The following CHRDL1 variants were observed in gnomAD, a reference collection of about 807,000 sequenced individuals.
CHRDL1 encodes chordin-like protein 1.
In CHRDL1, 19 loss-of-function variants were observed where a neutral mutation model predicts 40.9. The ratio of observed to expected loss-of-function variants is 0.46; its 90% CI spans 0.32 to 0.68. CHRDL1 has a LOEUF of 0.68. Ranked by LOEUF, CHRDL1 falls within the 30% of genes least tolerant of loss-of-function variation. The probability of loss-of-function intolerance (pLI) is 0.03; values close to 1 mark genes in which losing one functional copy is unlikely to be tolerated. For missense variants in CHRDL1, 329 were observed against 352.1 expected, an observed-to-expected ratio of 0.93 and a Z score of 0.53; for synonymous variants, 136 against 123.4, an observed-to-expected ratio of 1.10 and a Z score of -0.68.
intron 4 of CHRDL1, among the ~76,000 whole-genome samples, chrX:110,735,386 C>T (rs1472527733): frequency 8.9e-6 from 1 of 111,828 alleles, no homozygotes; most frequent in Non-Finnish European, 1.9e-5. Context: ...CTCTTTTTTT[C>T]ACCTAGGTAA....
intron 4 of CHRDL1, among the ~76,000 whole-genome samples, chrX:110,722,241 C>T (rs1247788378): frequency 9.0e-6 from 1 of 111,399 alleles, no homozygotes; most frequent in Non-Finnish European, 1.9e-5. Flanking sequence ...AATTGATCCG[C>T]CTGCCCCATC....
Position 110,759,718 on chromosome X carries a change from T to G in CHRDL1, c.244A>C (p.Asn82His). Residue 82 changes from asparagine (N) to histidine (H), a missense_variant, in exon 4 of 12, where the codon AAT (asparagine) becomes CAT (histidine). Coordinates refer to ENST00000372042, the MANE Select transcript of CHRDL1 (RefSeq NM_001143981.2). Reference protein sequence around the residue: ...NVLCSRVRCPNVHCLSPVHIP... With the variant: ...NVLCSRVRCPHVHCLSPVHIP... ...TGCACAGGAGAAAGGCAATGAACATTTGGACATCTGACTCGGCTGCAAAGC... is the reference window on the plus strand; with the variant it reads ...TGCACAGGAGAAAGGCAATGAACATGTGGACATCTGACTCGGCTGCAAAGC... The G allele has an allele frequency of 1.7e-6, 2 of 1,204,413 alleles. No individual in the cohort carries two copies. Among genetic ancestry groups the G allele is most frequent in the Middle Eastern group, 2.3e-4 (1 of 4,335 alleles).
At chrX:110,713,060 C>G (rs143830838) in intron 6 of CHRDL1, among the ~76,000 whole-genome samples, 9 of 111,067 alleles carry the variant, frequency 8.1e-5, no homozygotes, top group African/African-American at 1.6e-4. Context: ...TTGAGCCAAT[C>G]TTTCCTCACC....
intron 2 of CHRDL1, among the ~76,000 whole-genome samples, chrX:110,790,868 A>G (rs1222097445): frequency 9.4e-6 from 1 of 106,080 alleles, no homozygotes; most frequent in Non-Finnish European, 1.9e-5. Context: ...TTCCTTGCTG[A>G]GATCATGCCC....
chrX:110,690,267 C>T (rs1218383177), intron 8 of CHRDL1, among the ~76,000 whole-genome samples: 1 of 105,102 alleles, frequency 9.5e-6, no homozygotes, highest in Non-Finnish European at 1.9e-5. Context: ...CCAGGATGGT[C>T]TCGATCTCCT....
In CHRDL1 at chrX:110,747,428, A is replaced by ACT. The variant is rs752352786; in HGVS notation, c.301+12232_301+12233insAG. ...AAACAAAACACACACACACACACACACACACACAAAACCAAACATCAAGAA... is the reference window on the plus strand; with the variant it reads ...AAACAAAACACACACACACACACACACTCACACACAAAACCAAACATCAAGAA... On this transcript the variant is annotated intron_variant, in intron 4 of 11. Coordinates refer to ENST00000372042, the MANE Select transcript of CHRDL1 (RefSeq NM_001143981.2). Among the ~76,000 whole-genome samples, 4 of 109,191 alleles carry ACT rather than the reference A, an allele frequency of 3.7e-5. No homozygotes were observed. In the East Asian group the frequency reaches 8.7e-4, roughly 24 times the overall value. The allele number at this position is 109,191 out of a possible 115,157, so 94.8% of individuals were successfully genotyped here.
At chrX:110,791,489 G>A (rs1160748910) in intron 2 of CHRDL1, among the ~76,000 whole-genome samples, 1 of 111,604 alleles carries the variant, frequency 9.0e-6, no homozygotes, top group African/African-American at 3.3e-5. Context: ...CCATTACACG[G>A]ATCGCTGACT....
chrX:110,766,163 A>G (rs2089657014), intron 2 of CHRDL1, among the ~76,000 whole-genome samples: 1 of 111,839 alleles, frequency 8.9e-6, no homozygotes, highest in East Asian at 2.8e-4. Flanking sequence ...TAATAATGAC[A>G]GAACCTTATC....
chrX:110,738,683 A>C (rs895458585), intron 4 of CHRDL1, among the ~76,000 whole-genome samples: 2 of 106,607 alleles, frequency 1.9e-5, no homozygotes, highest in Non-Finnish European at 3.9e-5. Context: ...TGGAGCTTGT[A>C]GTGAGCCGAC....
chrX:110,793,554 C>T (rs1342144057), intron 1 of CHRDL1, among the ~76,000 whole-genome samples: 1 of 111,935 alleles, frequency 8.9e-6, no homozygotes, highest in Non-Finnish European at 1.9e-5. Flanking sequence ...CAGAATGTTA[C>T]TGTCCCTTGA....
chrX:110,697,487 G>A (rs1330195547), intron 7 of CHRDL1, among the ~76,000 whole-genome samples: 4 of 110,387 alleles, frequency 3.6e-5, no homozygotes, highest in Non-Finnish European at 7.6e-5. Context: ...TTTAAAAAGC[G>A]GCTTCAGAAT....
intron 2 of CHRDL1, among the ~76,000 whole-genome samples, chrX:110,766,532 C>T (rs937182838): frequency 5.4e-5 from 6 of 111,174 alleles, no homozygotes; most frequent in African/African-American, 9.8e-5. Flanking sequence ...TACTGAAATA[C>T]GAAAGATCAT....
intron 8 of CHRDL1, among the ~76,000 whole-genome samples, chrX:110,692,806 AT>A (rs748827603): frequency 8.9e-6 from 1 of 112,214 alleles, no homozygotes; most frequent in Admixed American, 9.5e-5. Context: ...AAGCAATTTA[AT>A]TTTTTTATCT....
intron 6 of CHRDL1, among the ~76,000 whole-genome samples, chrX:110,703,488 T>C (rs1346144169): frequency 1.8e-5 from 2 of 111,532 alleles, no homozygotes; most frequent in African/African-American, 6.5e-5. Flanking sequence ...AACTAGAAAA[T>C]TATGCCCAAG....
chrX:110,776,612 G>A (rs1046601047), intron 2 of CHRDL1, among the ~76,000 whole-genome samples: 3 of 110,714 alleles, frequency 2.7e-5, no homozygotes, highest in African/African-American at 9.8e-5. Context: ...TAAACTGTGG[G>A]GGGAGGGAAA....
intron 6 of CHRDL1, among the ~76,000 whole-genome samples, chrX:110,708,354 C>T (rs759036551): frequency 2.7e-5 from 3 of 110,926 alleles, no homozygotes; most frequent in African/African-American, 9.8e-5. Flanking sequence ...ATGTTTATTG[C>T]AGCACCATTC....
chrX:110,695,731 T>C (rs1250480036), intron 7 of CHRDL1, among the ~76,000 whole-genome samples: 2 of 112,000 alleles, frequency 1.8e-5, no homozygotes, highest in Admixed American at 9.4e-5. Context: ...TTTAAAGTTA[T>C]GGGCCACAGA....
chrX:110,787,708 G>T (rs977586991), intron 2 of CHRDL1, among the ~76,000 whole-genome samples: 4 of 112,032 alleles, frequency 3.6e-5, no homozygotes, highest in Non-Finnish European at 5.6e-5. Context: ...CCCACTTTTA[G>T]CCAAATCTGA....
intron 6 of CHRDL1, among the ~76,000 whole-genome samples, chrX:110,704,799 T>C (rs1478476467): frequency 9.0e-6 from 1 of 110,968 alleles, no homozygotes; most frequent in Non-Finnish European, 1.9e-5. Flanking sequence ...TACCAGCAAA[T>C]GGCAAAACAA....
Sources: gnomAD v4.1 joint callset for allele counts (sites outside exome capture counted in the v4.1 genomes callset) on GRCh38, gnomAD v4.1.1 for gene constraint, MANE v1.5 for transcripts, NCBI Gene and HGNC (gene_info 2026-07-23, HGNC 2026-07-21) for gene names.